Variants in CCDC7 observed in about 807,000 individuals in gnomAD.
The protein encoded by CCDC7 is coiled-coil domain-containing protein 7.
Under a neutral mutation model 196.9 loss-of-function variants are expected in CCDC7, and 183 were observed. The ratio of observed to expected loss-of-function variants is 0.93; its 90% confidence interval spans 0.82 to 1.05. The LOEUF (loss-of-function observed/expected upper bound fraction) is 1.05, where lower values mean the gene tolerates loss of function less well. Ranked by LOEUF, CCDC7 falls within the 50% of genes least tolerant of loss-of-function variation. CCDC7 has a pLI of 0.00. For synonymous variants in CCDC7, 525 were observed against 484.6 expected, an observed-to-expected ratio of 1.08 and a Z score of -1.10; for missense variants, 1,540 against 1,482.2, an observed-to-expected ratio of 1.04 and a Z score of -0.64.
intron 18 of CCDC7, among the ~76,000 whole-genome samples, chr10:32,592,790 A>G (rs529122316): frequency 3.9e-5 from 6 of 152,186 alleles, no homozygotes; most frequent in African/African-American, 1.4e-4. Context: ...GTGAGTGAGA[A>G]CACGTGGTGT....
At chr10:32,843,484 C>T (rs187835241) in intron 33 of CCDC7, among the ~76,000 whole-genome samples, 104 of 152,036 alleles carry the variant, frequency 6.8e-4, no homozygotes, top group African/African-American at 2.2e-3. Context: ...GAATCGAACA[C>T]TTTACATAGG....
chr10:32,744,156 A>G (rs1190467868), intron 28 of CCDC7, among the ~76,000 whole-genome samples: 2 of 152,082 alleles, frequency 1.3e-5, no homozygotes, highest in Non-Finnish European at 2.9e-5. Context: ...AAAGAAAAAA[A>G]AAAGAAAATA....
At chr10:32,801,450 C>T (rs1329822645) in intron 29 of CCDC7, among the ~76,000 whole-genome samples, 3 of 152,316 alleles carry the variant, frequency 2.0e-5, no homozygotes, top group South Asian at 4.1e-4. Flanking sequence ...AGAATCCCTG[C>T]TTAGTGGGCC....
intron 41 of CCDC7, among the ~76,000 whole-genome samples, chr10:32,855,198 A>T (rs2093702918): frequency 7.3e-6 from 1 of 137,056 alleles, no homozygotes; most frequent in Non-Finnish European, 1.7e-5. Flanking sequence ...TTACAGAAAA[A>T]TGTAAGTTTT....
chr10:32,876,512 GA>G, downstream of CCDC7: 1 of 959,154 alleles, frequency 1.0e-6, no homozygotes, highest in South Asian at 1.5e-5. Flanking sequence ...GGTGCTTATT[GA>G]AAAACAGCTG....
intron 11 of CCDC7, among the ~76,000 whole-genome samples, chr10:32,527,881 T>G (rs1003855524): frequency 2.0e-5 from 3 of 152,186 alleles, no homozygotes; most frequent in Non-Finnish European, 4.4e-5. Flanking sequence ...TTTTAATTTT[T>G]TTATTTTTAT....
At chr10:32,825,536 A>C (rs575456075) in intron 32 of CCDC7, among the ~76,000 whole-genome samples, 2 of 151,422 alleles carry the variant, frequency 1.3e-5, no homozygotes, top group African/African-American at 2.4e-5. Context: ...ATCTATCTAT[A>C]TATCTATATC....
chr10:32,548,662 GT>G (rs1463944469), intron 13 of CCDC7, among the ~76,000 whole-genome samples: 1 of 152,176 alleles, frequency 6.6e-6, no homozygotes, highest in East Asian at 1.9e-4. Context: ...AACATCCGAT[GT>G]TTGGTTTTCC....
At chr10:32,568,156 G>A (rs919509147) in intron 15 of CCDC7, among the ~76,000 whole-genome samples, 2 of 151,844 alleles carry the variant, frequency 1.3e-5, no homozygotes, top group East Asian at 1.9e-4. Flanking sequence ...ACAGGCATGC[G>A]CCACCATGCC....
rs3006710 is a variant in CCDC7 at position 32,555,203 on chromosome 10, A to G, written c.1135-10355A>G. 1.4e-3 allele frequency among the ~76,000 whole-genome samples: 216 copies of G among 152,098 alleles called. 1 individual carries two copies. Among genetic ancestry groups the G allele is most frequent in the South Asian group, 4.6e-3 (22 of 4,824 alleles). ...ATATACTGATTTCCTTTTTTTGTAC[A>G]TACCTAACAGTAAGATTACTGGATT... On this transcript the variant is annotated intron_variant, in intron 13 of 41. Transcript: ENST00000639629.
At chr10:32,710,424 A>G (rs555887478) in intron 24 of CCDC7, among the ~76,000 whole-genome samples, 1 of 152,352 alleles carries the variant, frequency 6.6e-6, no homozygotes, top group African/African-American at 2.4e-5. Flanking sequence ...GGACAATAGC[A>G]GTGGCCAAGG....
intron 18 of CCDC7, among the ~76,000 whole-genome samples, chr10:32,621,186 T>C (rs1214002951): frequency 6.6e-6 from 1 of 152,216 alleles, no homozygotes; most frequent in African/African-American, 2.4e-5. Context: ...TTTCTGATCT[T>C]CTTATAATCA....
At chr10:32,509,264 C>A (rs951705451) in intron 9 of CCDC7, among the ~76,000 whole-genome samples, 1 of 152,042 alleles carries the variant, frequency 6.6e-6, no homozygotes, top group Non-Finnish European at 1.5e-5. Flanking sequence ...AGCATAGGTA[C>A]AAGTGATCTT....
chr10:32,527,733 G>T (rs935352382), intron 11 of CCDC7, among the ~76,000 whole-genome samples: 1 of 152,298 alleles, frequency 6.6e-6, no homozygotes, highest in Admixed American at 6.5e-5. Context: ...CCACACAAGG[G>T]TAGTGACCAA....
intron 11 of CCDC7, among the ~76,000 whole-genome samples, chr10:32,535,910 CATGTG>C: frequency 6.6e-6 from 1 of 152,108 alleles, no homozygotes; most frequent in Non-Finnish European, 1.5e-5. Flanking sequence ...CTTTATCTGT[CATGTG>C]ATGTGATGCC....
chr10:32,761,917 A>C (rs113317082), intron 28 of CCDC7, among the ~76,000 whole-genome samples: 9,174 of 151,964 alleles, frequency 0.06, 863 homozygotes, highest in African/African-American at 0.2. Flanking sequence ...GAGGTTCCTT[A>C]CTTTTCTCTC....
rs142801821 is a variant in CCDC7 at position 32,861,115 on chromosome 10, C to CAAAAA, written c.4111+6641_4111+6645dup. On this transcript the variant is annotated intron_variant, in intron 41 of 41. Coordinates refer to ENST00000639629, the Ensembl canonical transcript of CCDC7. ...CCTGCATAGCCAAGACAATCATAAG[C>CAAAAA]AAAAAAAAAAAAAAAAAAAGAAAGC... Among the ~76,000 whole-genome samples, 653 of 96,584 alleles carry CAAAAA rather than the reference C, an allele frequency of 6.8e-3. 2 individuals carry two copies. Among genetic ancestry groups the CAAAAA allele is most frequent in the East Asian group, 0.012 (40 of 3,312 alleles). 63.4% of individuals were successfully genotyped at this position (96,584 alleles called of 152,430 possible).
At chr10:32,583,007 A>G in intron 16 of CCDC7, 27 bp from the exon 18 acceptor site, 1 of 1,221,638 alleles carries the variant, frequency 8.2e-7, no homozygotes, top group South Asian at 4.2e-5. Flanking sequence ...CACATAATCT[A>G]ATACCAGATG....
intron 8 of CCDC7, among the ~76,000 whole-genome samples, chr10:32,482,095 TTTTTC>T (rs1469729684): frequency 1.3e-5 from 2 of 152,004 alleles, no homozygotes; most frequent in African/African-American, 2.4e-5. Context: ...TTTCTGCCCC[TTTTTC>T]TTTTCTTTTT....
Sources: allele counts gnomAD v4.1 joint callset (sites outside exome capture counted in the v4.1 genomes callset), GRCh38; gene constraint gnomAD v4.1.1; transcripts MANE v1.5; gene names NCBI Gene and HGNC (gene_info 2026-07-23, HGNC 2026-07-21).